PGM5: variants seen among roughly 807,000 people sequenced by gnomAD.
The protein encoded by PGM5 is phosphoglucomutase 5.
PGM5 carries 23 observed loss-of-function variants against 59.2 expected under a neutral mutation model. The ratio of observed to expected loss-of-function variants is 0.39; its 90% confidence interval spans 0.28 to 0.55. The LOEUF (loss-of-function observed/expected upper bound fraction) is 0.55. Among genes scored for constraint, PGM5 ranks in the 20% least tolerant of loss-of-function variants. The pLI, the probability that PGM5 is intolerant of heterozygous loss-of-function variation, is 0.66. For missense variants in PGM5, 574 were observed against 748.3 expected (o/e 0.77, Z 2.72); for synonymous variants, 214 against 286.0 (o/e 0.75, Z 2.54).
intron 10 of PGM5, among the ~76,000 whole-genome samples, chr9:68,514,932 C>G (rs576705529): frequency 1.3e-5 from 2 of 152,360 alleles, no homozygotes; most frequent in African/African-American, 4.8e-5. Flanking sequence ...CAAGTTGCAT[C>G]TCCATAGAAA....
chr9:68,522,701 G>A (rs941204688), intron 10 of PGM5, among the ~76,000 whole-genome samples: 4 of 152,152 alleles, frequency 2.6e-5, no homozygotes, highest in African/African-American at 9.7e-5. Context: ...AGAGACCAAA[G>A]TTAGCTCAAG....
intron 6 of PGM5, 30 bp downstream of exon 6, chr9:68,392,503 T>C (rs781860315): frequency 1.2e-6 from 2 of 1,607,946 alleles, no homozygotes; most frequent in Non-Finnish European, 1.7e-6. Flanking sequence ...TGAAAAACTT[T>C]ATGGTAGACC....
At chr9:68,494,644 A>G (rs1195575233) in intron 9 of PGM5, among the ~76,000 whole-genome samples, 1 of 152,238 alleles carries the variant, frequency 6.6e-6, no homozygotes, top group African/African-American at 2.4e-5. Flanking sequence ...TTTGCAATTA[A>G]TGAGCTAATG....
At chr9:68,376,796 T>TCTTC (rs1554677749) in intron 1 of PGM5, among the ~76,000 whole-genome samples, 1 of 108,110 alleles carries the variant, frequency 9.2e-6, no homozygotes, top group Non-Finnish European at 1.9e-5. Flanking sequence ...TTTCTTTCTT[T>TCTTC]CTTTCTTTCT....
intron 6 of PGM5, among the ~76,000 whole-genome samples, chr9:68,426,109 G>A (rs1554682679): frequency 1.3e-5 from 2 of 152,122 alleles, no homozygotes; most frequent in Non-Finnish European, 2.9e-5. Context: ...AAAACTTGCA[G>A]AAGTTGCCCA....
chr9:68,482,823 C>A (rs1037079146), intron 8 of PGM5, among the ~76,000 whole-genome samples: 2 of 152,258 alleles, frequency 1.3e-5, no homozygotes, highest in South Asian at 2.1e-4. Flanking sequence ...AGCACAAGTG[C>A]CTGGCACTGT....
At chr9:68,517,713 A>T (rs887348267) in intron 10 of PGM5, among the ~76,000 whole-genome samples, 9 of 152,250 alleles carry the variant, frequency 5.9e-5, no homozygotes, top group African/African-American at 2.2e-4. Context: ...TGGCAGGAAA[A>T]TGATTACAAA....
chr9:68,365,469 T>C (rs1414931225), intron 1 of PGM5, among the ~76,000 whole-genome samples: 2 of 151,860 alleles, frequency 1.3e-5, no homozygotes, highest in African/African-American at 2.4e-5. Context: ...AGAATATATA[T>C]GTGACTTGTT....
Position 68,520,765 on chromosome 9 carries a change from T to C in PGM5, c.1615-8802T>C, listed in dbSNP as rs190672428. On this transcript the variant is annotated intron_variant, in intron 10 of 10. Coordinates refer to ENST00000396396, the MANE Select transcript of PGM5 (RefSeq NM_021965.4). ...AAACGGTATTGCTAAAGAAAAAACC[T>C]GGACGTAGGCTATATGTGCTGACAG... 8.3e-4 allele frequency among the ~76,000 whole-genome samples: 126 copies of C among 152,294 alleles called. 1 individual carries two copies. The highest frequency in any genetic ancestry group is 2.8e-3 in the African/African-American group (118 of 41,570).
intron 7 of PGM5, among the ~76,000 whole-genome samples, chr9:68,477,174 A>T (rs1183506921): frequency 1.3e-5 from 2 of 152,238 alleles, no homozygotes; most frequent in Non-Finnish European, 2.9e-5. Flanking sequence ...ATTAATGCCC[A>T]GGGTCCTGTT....
At chr9:68,500,791 A>G (rs932392478) in intron 10 of PGM5, among the ~76,000 whole-genome samples, 3 of 151,936 alleles carry the variant, frequency 2.0e-5, no homozygotes, top group Admixed American at 2.0e-4. Flanking sequence ...ACTCCGGGCT[A>G]TTTTTTCCTC....
At chr9:68,384,870 G>A (rs782054460) in intron 3 of PGM5, among the ~76,000 whole-genome samples, 3,165 of 150,004 alleles carry the variant, frequency 0.021, 45 homozygotes, top group Non-Finnish European at 0.033. Flanking sequence ...ATGCTGGAAT[G>A]CCTTAGTTAA....
chr9:68,514,147 G>A (rs1312328313), intron 10 of PGM5, among the ~76,000 whole-genome samples: 1 of 152,282 alleles, frequency 6.6e-6, no homozygotes, highest in East Asian at 1.9e-4. Flanking sequence ...AGCTCCTCAG[G>A]TGATTCATGT....
chr9:68,469,118 A>G (rs1823982805), intron 7 of PGM5, among the ~76,000 whole-genome samples: 2 of 152,158 alleles, frequency 1.3e-5, no homozygotes, highest in African/African-American at 2.4e-5. Context: ...GGATTTCACC[A>G]TATTGGCCAG....
intron 10 of PGM5, among the ~76,000 whole-genome samples, chr9:68,506,001 A>G (rs1824649055): frequency 6.6e-6 from 1 of 152,306 alleles, no homozygotes; most frequent in African/African-American, 2.4e-5. Context: ...AAAGACTCCT[A>G]TCATTCAGGA....
At chr9:68,421,009 A>G (rs1823119636) in intron 6 of PGM5, among the ~76,000 whole-genome samples, 1 of 152,208 alleles carries the variant, frequency 6.6e-6, no homozygotes, top group Non-Finnish European at 1.5e-5. Flanking sequence ...ATGGTTTCTT[A>G]TCTGAAAGGA....
chr9:68,450,545 G>A (rs1030890163), intron 6 of PGM5, among the ~76,000 whole-genome samples: 12 of 152,312 alleles, frequency 7.9e-5, no homozygotes, highest in Non-Finnish European at 1.6e-4. Context: ...GGCCTTTAAG[G>A]CCACTATCTG....
At chr9:68,412,995 C>T (rs1483273972) in intron 6 of PGM5, among the ~76,000 whole-genome samples, 1 of 152,142 alleles carries the variant, frequency 6.6e-6, no homozygotes, top group Admixed American at 6.5e-5. Context: ...CCAACATCAA[C>T]AAGATTGATG....
intron 6 of PGM5, among the ~76,000 whole-genome samples, chr9:68,400,301 A>G (rs1822632701): frequency 1.3e-5 from 2 of 152,184 alleles, no homozygotes; most frequent in African/African-American, 2.4e-5. Flanking sequence ...CTGATTATGA[A>G]CACTTCACTC....
Sources: gnomAD v4.1 joint callset for allele counts (sites outside exome capture counted in the v4.1 genomes callset) on GRCh38, gnomAD v4.1.1 for gene constraint, MANE v1.5 for transcripts, NCBI Gene and HGNC (gene_info 2026-07-23, HGNC 2026-07-21) for gene names.